Variants in SARS1 observed in about 807,000 individuals in gnomAD.
The protein encoded by SARS1 is seryl-tRNA synthetase 1.
SARS1 carries 25 observed loss-of-function variants against 63.7 expected under a neutral mutation model. The observed-to-expected ratio is 0.39, with a 90% CI of 0.29 to 0.55. SARS1 has a LOEUF of 0.55. SARS1 is among the 20% of genes least tolerant of loss of function. SARS1 has a pLI of 0.62. For missense variants in SARS1, 417 were observed against 649.7 expected, an observed-to-expected ratio of 0.64 and a Z score of 3.89; for synonymous variants, 231 against 243.5, an observed-to-expected ratio of 0.95 and a Z score of 0.48.
At chr1:109,220,476 T>G (rs192340023) in intron 1 of SARS1, among the ~76,000 whole-genome samples, 6 of 152,380 alleles carry the variant, frequency 3.9e-5, no homozygotes, top group African/African-American at 1.4e-4. Context: ...CTAAAGATAC[T>G]GAGCGCTTTT....
At chr1:109,234,404 A>G (rs555504006) in intron 6 of SARS1, among the ~76,000 whole-genome samples, 100 of 151,150 alleles carry the variant, frequency 6.6e-4, no homozygotes, top group Middle Eastern at 3.5e-3. Context: ...ATAATATTAC[A>G]TAAATAATGT....
At position 109,237,873 on chromosome 1, in the gene SARS1, G is replaced by A. The variant is rs763567681; in HGVS notation, c.1530G>A (p.Glu510=). 6 of 1,614,048 alleles carry A rather than the reference G, an allele frequency of 3.7e-6. No homozygotes were observed. Among genetic ancestry groups the A allele is most frequent in the East Asian group, 2.2e-5 (1 of 44,896 alleles). Residue 510 remains glutamate (E), a synonymous_variant, in exon 11 of 11, where the codon GAG becomes GAA. Transcript: ENST00000234677. The surrounding 1 kb of genome is among the most constrained non-coding windows in gnomAD (Gnocchi z 4.1). ...TAGAAAACAGGCTGCAGAACATGGA[G>A]GTCACCGATGCTTGAACATTCCTGC... is the stretch of plus-strand genomic sequence containing the variant. The part of the protein sequence containing the change: ...VTLENRLQNM[E]VTDA
rs1655337346 is a variant in SARS1, at chr1:109,237,427, C to G, written c.1387+54C>G. On this transcript the variant is annotated intron_variant, in intron 10 of 10. Coordinates refer to ENST00000234677, the MANE Select transcript of SARS1 (RefSeq NM_006513.4). The surrounding 1 kb of genome is among the most constrained non-coding windows in gnomAD (Gnocchi z 4.1). The stretch of plus-strand genomic sequence containing the variant: ...TCCTCTTTTCTGTCTTCACACTCTT[C>G]TAAATAGCAGTCCCCTTTCAGGATA... The G allele has an allele frequency of 3.7e-6, 6 of 1,612,004 alleles. No individual in the cohort carries two copies. In the Admixed American group the frequency reaches 6.7e-5, roughly 18 times the overall value.
intron 9 of SARS1, chr1:109,236,885 C>T (rs1391202749): frequency 1.3e-6 from 2 of 1,589,676 alleles, no homozygotes; most frequent in Non-Finnish European, 1.7e-6. Flanking sequence ...GGGTTGTAAG[C>T]TGCTCTCTTC....
At position 109,236,518 on chromosome 1, in the gene SARS1, A is replaced by G; in HGVS notation, c.1227A>G (p.Arg409=). 6.2e-7 allele frequency: 1 copy of G among 1,606,272 alleles called. No homozygotes were observed. Among genetic ancestry groups the G allele is most frequent in the Non-Finnish European group, 8.5e-7 (1 of 1,173,434 alleles). ...TDYQARRLRI[R]YGQTKKMMDK... Reference sequence around the variant, plus strand: ...ACCAGGCTCGCCGGCTTCGAATCCGATATGGGCAAACCAAGAAGATGATGG... The same window carrying G: ...ACCAGGCTCGCCGGCTTCGAATCCGGTATGGGCAAACCAAGAAGATGATGG... The change falls in exon 9 of 11, where the codon CGA becomes CGG. Residue 409 remains arginine (R), a synonymous_variant. Coordinates refer to ENST00000234677, the MANE Select transcript of SARS1 (RefSeq NM_006513.4).
chr1:109,231,764 A>G lies in SARS1; in HGVS notation c.725A>G (p.Gln242Arg). The G allele has an allele frequency of 1.9e-6, 3 of 1,557,804 alleles. No homozygotes were observed. Among genetic ancestry groups the G allele is most frequent in the Non-Finnish European group, 2.6e-6 (3 of 1,156,194 alleles). The change falls in exon 6 of 11, where the codon CAG becomes CGG. Residue 242 changes from glutamine to arginine, a missense_variant. Transcript: ENST00000234677. ...EVMQEVAQLSQFDEELYKVIG... is the reference protein window; with the variant it reads ...EVMQEVAQLSRFDEELYKVIG... ...ATGCAGGAGGTGGCACAGCTCAGCC[A>G]GTTTGATGAAGAACTTTATAAGGTG...
intron 4 of SARS1, 137 bp downstream of exon 4, chr1:109,229,709 T>C: frequency 2.3e-6 from 2 of 857,516 alleles, no homozygotes; most frequent in South Asian, 1.8e-5. Context: ...TGCCCACCAA[T>C]TGAGAATTGC....
chr1:109,216,226 G>A, intron 1 of SARS1: 2 of 985,364 alleles, frequency 2.0e-6, no homozygotes, highest in East Asian at 2.3e-4. Context: ...TATAACCAGA[G>A]CCACATTAAG....
intron 1 of SARS1, chr1:109,216,297 A>G (rs1654783794): frequency 1.0e-6 from 1 of 985,228 alleles, no homozygotes. Flanking sequence ...CCTCCACTAC[A>G]ACTATACCAA....
At chr1:109,231,865 C>A in intron 6 of SARS1, 79 bp downstream of exon 6, 2 of 1,219,448 alleles carry the variant, frequency 1.6e-6, no homozygotes, top group South Asian at 2.4e-5. Context: ...TGGTGCTGTC[C>A]AATAGGACTT....
chr1:109,220,994 A>T (rs1654913510), intron 1 of SARS1, among the ~76,000 whole-genome samples: 1 of 152,002 alleles, frequency 6.6e-6, no homozygotes, highest in African/African-American at 2.4e-5. Flanking sequence ...TGAGAATAGA[A>T]GGGAGCTTCC....
Position 109,214,162 on chromosome 1 carries a change from T to C in SARS1, c.136+34T>C, listed in dbSNP as rs923137987. On this transcript the variant is annotated intron_variant, in intron 1 of 10. Transcript: ENST00000234677. The surrounding 1 kb of genome is among the most constrained non-coding windows in gnomAD (Gnocchi z 4.6). ...CGGGACGGGCGGGTTACCTCCTTGATGCTAAACCCAATTTTCTCTCTCAAA... is the reference window on the plus strand; with the variant it reads ...CGGGACGGGCGGGTTACCTCCTTGACGCTAAACCCAATTTTCTCTCTCAAA... 2 of 1,606,200 alleles carry C rather than the reference T, an allele frequency of 1.2e-6. No homozygotes were observed. The highest frequency in any genetic ancestry group is 1.7e-6 in the Non-Finnish European group (2 of 1,175,700).
intron 2 of SARS1, among the ~76,000 whole-genome samples, chr1:109,225,374 T>C (rs906712798): frequency 3.3e-5 from 5 of 152,200 alleles, no homozygotes; most frequent in African/African-American, 1.2e-4. Context: ...ATCCAGTTTC[T>C]TTCTGTGGGA....
At chr1:109,231,278 A>T in intron 5 of SARS1, 1 of 265,228 alleles carries the variant, frequency 3.8e-6, no homozygotes, top group Non-Finnish European at 6.9e-6. Context: ...TTGCTGACTG[A>T]ATCAGAACAG....
chr1:109,235,462 A>G lies in SARS1; in HGVS notation c.969+31A>G, dbSNP rs1236097485. The G allele has an allele frequency of 1.3e-6, 2 of 1,542,362 alleles. No homozygotes were observed. The highest frequency in any genetic ancestry group is 1.7e-5 in the Admixed American group (1 of 59,392). ...TAGATGGGTCAGGGTAAGGAGTGGA[A>G]CTTTCTCTGTCTCCAGAATGGTTAG... is the stretch of plus-strand genomic sequence containing the variant. On this transcript the variant is annotated intron_variant, in intron 7 of 10. Transcript: ENST00000234677. The surrounding 1 kb of genome is among the most constrained non-coding windows in gnomAD (Gnocchi z 4.7).
intron 1 of SARS1, chr1:109,215,547 A>G (rs1327042328): frequency 1.0e-6 from 1 of 985,188 alleles, no homozygotes; most frequent in African/African-American, 1.7e-5. Context: ...CTAGCACTGT[A>G]CCTGGTCCTT....
At chr1:109,232,378 C>G (rs1489120226) in intron 6 of SARS1, among the ~76,000 whole-genome samples, 1 of 152,246 alleles carries the variant, frequency 6.6e-6, no homozygotes, top group Non-Finnish European at 1.5e-5. Context: ...GTTCAGCACT[C>G]AAGATTTCTA....
chr1:109,225,993 C>CT lies in SARS1; in HGVS notation c.207+1952dup, dbSNP rs935575627. Among the ~76,000 whole-genome samples, 9 of 152,088 alleles carry CT rather than the reference C, an allele frequency of 5.9e-5. No individual in the cohort carries two copies. The South Asian group carries it at 1.2e-3, about 21-fold the overall frequency. ...TTCTGATAGTTTCAGATTTTTCCAA[C>CT]TTTTTTTCTTTTTTTCTGAGACAAA... On this transcript the variant is annotated intron_variant, in intron 2 of 10. Coordinates refer to ENST00000234677, the MANE Select transcript of SARS1 (RefSeq NM_006513.4).
intron 1 of SARS1, chr1:109,215,836 C>G (rs1430784873): frequency 3.0e-6 from 1 of 330,020 alleles, no homozygotes; most frequent in Non-Finnish European, 4.3e-6. Flanking sequence ...CTCCAAGTAG[C>G]TGGGACTACA....
Sources: allele counts gnomAD v4.1 joint callset (sites outside exome capture counted in the v4.1 genomes callset), GRCh38; gene constraint gnomAD v4.1.1; non-coding constraint Gnocchi (gnomAD v3.1); transcripts MANE v1.5; gene names NCBI Gene and HGNC (gene_info 2026-07-23, HGNC 2026-07-21).